Variants in FAR1 observed in about 807,000 individuals in gnomAD.
The protein encoded by FAR1 is fatty acyl-CoA reductase 1, also known as male sterility domain-containing protein 2.
A neutral mutation model predicts 61.1 loss-of-function variants in FAR1; 22 were observed. The observed-to-expected ratio is 0.36, with a 90% CI of 0.26 to 0.51. FAR1 has a LOEUF of 0.51. Ranked by LOEUF, FAR1 falls within the 20% of genes least tolerant of loss-of-function variation. The pLI is 0.95. For synonymous variants in FAR1, 206 were observed against 209.7 expected (o/e 0.98, Z 0.15); for missense variants, 359 against 626.9 (o/e 0.57, Z 4.56).
intron 9 of FAR1, chr11:13,719,904 GT>G (rs1316629609): frequency 6.6e-6 from 1 of 152,134 alleles, no homozygotes; most frequent in Non-Finnish European, 1.5e-5. Flanking sequence ...ATTTTTTTAA[GT>G]TGCCATAATA....
intron 1 of FAR1, among the ~76,000 whole-genome samples, chr11:13,692,686 T>G (rs1304245743): frequency 6.6e-6 from 1 of 152,196 alleles, no homozygotes; most frequent in Non-Finnish European, 1.5e-5. Flanking sequence ...TTAAATTCGC[T>G]TGGGGGCTAT....
intron 1 of FAR1, among the ~76,000 whole-genome samples, chr11:13,677,656 C>G (rs61881758): frequency 2.0e-5 from 3 of 152,172 alleles, no homozygotes; most frequent in African/African-American, 7.2e-5. Flanking sequence ...CGTACATTAG[C>G]GACATCATAG....
In FAR1 at chr11:13,731,917, A is replaced by T. The variant is rs996844904; in HGVS notation, c.*3143A>T. Reference sequence around the variant, plus strand: ...ATAGGAATTAACTGACCCCTTTTGGATGGGGGAGAGCATCAGGCTGGGGTC... The same window carrying T: ...ATAGGAATTAACTGACCCCTTTTGGTTGGGGGAGAGCATCAGGCTGGGGTC... On this transcript the variant is annotated 3_prime_UTR_variant, in exon 12 of 12. Coordinates refer to ENST00000354817, the MANE Select transcript of FAR1 (RefSeq NM_032228.6). 6.6e-6 allele frequency: 1 copy of T among 152,066 alleles called. No homozygotes were observed. Among genetic ancestry groups the T allele is most frequent in the African/African-American group, 2.4e-5 (1 of 41,394 alleles). 9.4% of individuals were successfully genotyped at this position (152,066 alleles called of 1,614,324 possible).
At chr11:13,710,609 TTGAA>T in intron 4 of FAR1, 80 bp from the exon 5 acceptor site, 3 of 1,181,442 alleles carry the variant, frequency 2.5e-6, no homozygotes, top group Non-Finnish European at 3.5e-6. Flanking sequence ...GCAGATATGT[TTGAA>T]TGTGCGAAGT....
At chr11:13,705,413 G>C (rs539849844) in intron 3 of FAR1, among the ~76,000 whole-genome samples, 1 of 152,018 alleles carries the variant, frequency 6.6e-6, no homozygotes, top group South Asian at 2.1e-4. Context: ...GATGCAAAGG[G>C]AAAAAGGCAA....
In FAR1 at chr11:13,714,597, A is replaced by G. The variant is rs1404305753; in HGVS notation, c.1044A>G (p.Leu348=). 4 of 1,613,480 alleles carry G rather than the reference A, an allele frequency of 2.5e-6. No homozygotes were observed. Among genetic ancestry groups the G allele is most frequent in the Non-Finnish European group, 3.4e-6 (4 of 1,179,694 alleles). ...PNVNLTSNHL[L]YHYWIAVSHK... is the part of the protein sequence containing the mutation. Reference sequence around the variant, plus strand: ...TAAATCTAACCTCCAATCATCTTTTATATCATTACTGGATTGCTGTAAGCC... The same window carrying G: ...TAAATCTAACCTCCAATCATCTTTTGTATCATTACTGGATTGCTGTAAGCC... The change falls in exon 9 of 12, where the codon TTA becomes TTG. Residue 348 remains leucine, a synonymous_variant. Coordinates refer to ENST00000354817, the MANE Select transcript of FAR1 (RefSeq NM_032228.6).
intron 3 of FAR1, among the ~76,000 whole-genome samples, chr11:13,702,336 CAT>C (rs758326686): frequency 6.6e-6 from 1 of 151,950 alleles, no homozygotes; most frequent in Non-Finnish European, 1.5e-5. Context: ...CTACTATGAA[CAT>C]GTGTTAATCT....
intron 9 of FAR1, among the ~76,000 whole-genome samples, chr11:13,715,270 A>G (rs1461457198): frequency 6.6e-6 from 1 of 152,202 alleles, no homozygotes; most frequent in Non-Finnish European, 1.5e-5. Flanking sequence ...TCACAATCAG[A>G]ATGCTAGGAC....
chr11:13,728,921 C>T lies in FAR1; in HGVS notation c.*147C>T. Reference sequence around the variant, plus strand: ...GTAAATTATGGTATATTTTATGTAACATTTTAATGTTTATGCTCATAAAAC... The same window carrying T: ...GTAAATTATGGTATATTTTATGTAATATTTTAATGTTTATGCTCATAAAAC... On this transcript the variant is annotated 3_prime_UTR_variant, in exon 12 of 12. Coordinates refer to ENST00000354817, the MANE Select transcript of FAR1 (RefSeq NM_032228.6). The T allele has an allele frequency of 1.4e-6, 1 of 710,192 alleles. No homozygotes were observed. Among genetic ancestry groups the T allele is most frequent in the Non-Finnish European group, 2.3e-6 (1 of 443,746 alleles). The allele number at this position is 710,192 out of a possible 1,614,324, so 44.0% of individuals were successfully genotyped here. A position where few individuals can be genotyped will look rare whatever the true frequency, so the allele number is the denominator to read the frequency against.
intron 10 of FAR1, among the ~76,000 whole-genome samples, chr11:13,725,250 G>A (rs991714070): frequency 6.6e-6 from 1 of 152,138 alleles, no homozygotes; most frequent in African/African-American, 2.4e-5. Flanking sequence ...GGTAATGGCA[G>A]TTTTCCAAAG....
intron 1 of FAR1, among the ~76,000 whole-genome samples, chr11:13,673,376 A>AT (rs1848032371): frequency 6.6e-6 from 1 of 152,236 alleles, no homozygotes; most frequent in Admixed American, 6.5e-5. Context: ...TGATTCTCAT[A>AT]TAATTCTCTA....
chr11:13,694,521 G>T (rs1455377048), intron 1 of FAR1, among the ~76,000 whole-genome samples: 1 of 152,172 alleles, frequency 6.6e-6, no homozygotes, highest in Non-Finnish European at 1.5e-5. Context: ...TCCAGAGAAC[G>T]TGAGTGACTT....
chr11:13,694,993 G>A (rs1848292934), intron 2 of FAR1, 39 bp downstream of exon 2: 6 of 1,520,202 alleles, frequency 3.9e-6, no homozygotes, highest in Non-Finnish European at 5.3e-6. Context: ...AAAGAAAAAA[G>A]CGTGTGCTTG....
intron 9 of FAR1, among the ~76,000 whole-genome samples, chr11:13,719,057 A>G (rs1432623896): frequency 2.0e-5 from 3 of 152,202 alleles, no homozygotes; most frequent in Non-Finnish European, 1.5e-5. Flanking sequence ...AAGTCACATC[A>G]TGTCACTTCC....
chr11:13,676,760 C>A (rs1030725433), intron 1 of FAR1, among the ~76,000 whole-genome samples: 8 of 152,292 alleles, frequency 5.3e-5, no homozygotes, highest in African/African-American at 1.7e-4. Context: ...CAGAGCTGTG[C>A]ACAGACTGTT....
At chr11:13,722,852 CTCTCTCTATA>C (rs1848626071) in intron 10 of FAR1, among the ~76,000 whole-genome samples, 1 of 141,532 alleles carries the variant, frequency 7.1e-6, no homozygotes, top group Admixed American at 7.2e-5. Flanking sequence ...CCCTCTCTCT[CTCTCTCTATA>C]TATATATATA....
At position 13,686,028 on chromosome 11, in the gene FAR1, T is replaced by C. The variant is rs188066512; in HGVS notation, c.-7-8731T>C. On this transcript the variant is annotated intron_variant, in intron 1 of 11. Coordinates refer to ENST00000354817, the MANE Select transcript of FAR1 (RefSeq NM_032228.6). ...GCGCTGTGCACTCAATTCTCATTCATGATGTGATGCCTTGACCTCGCTGAA... is the reference window on the plus strand; with the variant it reads ...GCGCTGTGCACTCAATTCTCATTCACGATGTGATGCCTTGACCTCGCTGAA... 1.4e-3 allele frequency among the ~76,000 whole-genome samples: 220 copies of C among 152,314 alleles called. 1 individual carries two copies. Among genetic ancestry groups the C allele is most frequent in the African/African-American group, 5.1e-3 (212 of 41,570 alleles).
chr11:13,700,649 TTC>T, intron 3 of FAR1, 157 bp downstream of exon 3: 1 of 368,982 alleles, frequency 2.7e-6, no homozygotes, highest in Non-Finnish European at 4.7e-6. Flanking sequence ...GTTAAAAGAA[TTC>T]TCTTCTTCTT....
At chr11:13,706,829 C>T (rs1329268981) in intron 3 of FAR1, among the ~76,000 whole-genome samples, 4 of 152,058 alleles carry the variant, frequency 2.6e-5, no homozygotes, top group Non-Finnish European at 4.4e-5. Context: ...AGAAATACTG[C>T]TAAATGTTTG....
Sources: allele counts gnomAD v4.1 joint callset (sites outside exome capture counted in the v4.1 genomes callset), GRCh38; gene constraint gnomAD v4.1.1; transcripts MANE v1.5; gene names NCBI Gene and HGNC (gene_info 2026-07-23, HGNC 2026-07-21).